SCHIP1: variants seen among roughly 807,000 people sequenced by gnomAD.
SCHIP1 encodes schwannomin interacting protein 1, also known as schwannomin-interacting protein 1.
SCHIP1 carries 8 observed loss-of-function variants against 29.7 expected under a neutral mutation model. The ratio of observed to expected loss-of-function variants is 0.27; its 90% CI spans 0.16 to 0.49. SCHIP1 has a LOEUF of 0.49. SCHIP1 is among the 20% of genes least tolerant of loss of function. The probability of loss-of-function intolerance (pLI) is 0.99; values close to 1 mark genes in which losing one functional copy is unlikely to be tolerated. For missense variants in SCHIP1, 193 were observed against 294.6 expected, an observed-to-expected ratio of 0.66 and a Z score of 2.52; for synonymous variants, 76 against 94.9, an observed-to-expected ratio of 0.80 and a Z score of 1.16.
At chr3:159,573,566 T>A in the SCHIP1 span, among the ~76,000 whole-genome samples, 1 of 152,208 alleles carries the variant, frequency 6.6e-6, no homozygotes, top group Non-Finnish European at 1.5e-5. Flanking sequence ...TCATCCTTGA[T>A]GAATCTGAAG....
At chr3:159,379,740 A>C in the SCHIP1 span, among the ~76,000 whole-genome samples, 2 of 152,082 alleles carry the variant, frequency 1.3e-5, no homozygotes, top group African/African-American at 4.8e-5. Flanking sequence ...TCTCAACCAC[A>C]TGACAAAAAG....
At chr3:159,685,817 C>G in the SCHIP1 span, among the ~76,000 whole-genome samples, 1 of 152,138 alleles carries the variant, frequency 6.6e-6, no homozygotes, top group Non-Finnish European at 1.5e-5. Flanking sequence ...GACCAATTCT[C>G]TCACTGAAAA....
At chr3:159,388,033 G>A in the SCHIP1 span, among the ~76,000 whole-genome samples, 152,329 of 152,330 alleles carry the variant, frequency 1, 76,164 homozygotes, top group Middle Eastern at 1. Flanking sequence ...GGTAATTTCC[G>A]CTAGGCTTGA....
the SCHIP1 span, among the ~76,000 whole-genome samples, chr3:159,588,841 T>G: frequency 6.6e-6 from 1 of 152,228 alleles, no homozygotes; most frequent in African/African-American, 2.4e-5. Context: ...TTGGTACCAG[T>G]ACCATGCTGT....
chr3:159,505,600 C>A, the SCHIP1 span, among the ~76,000 whole-genome samples: 1 of 152,180 alleles, frequency 6.6e-6, no homozygotes, highest in East Asian at 1.9e-4. Context: ...TTAGGTACAT[C>A]TCCTAATGCT....
chr3:159,865,863 A>G (rs187329207), intron 1 of SCHIP1, among the ~76,000 whole-genome samples: 53 of 152,358 alleles, frequency 3.5e-4, no homozygotes, highest in African/African-American at 1.2e-3. Context: ...TATACCTAGC[A>G]GGTAAGAAGA....
chr3:159,416,060 C>T, the SCHIP1 span, among the ~76,000 whole-genome samples: 30 of 152,266 alleles, frequency 2.0e-4, no homozygotes, highest in African/African-American at 5.5e-4. Flanking sequence ...TCCAGGATTT[C>T]GCATAATCTA....
the SCHIP1 span, among the ~76,000 whole-genome samples, chr3:159,297,363 A>T: frequency 6.6e-6 from 1 of 152,098 alleles, no homozygotes; most frequent in Non-Finnish European, 1.5e-5. Flanking sequence ...TAATTTTTCG[A>T]GGAACCTCCA....
chr3:159,603,899 G>C, the SCHIP1 span, among the ~76,000 whole-genome samples: 1 of 152,096 alleles, frequency 6.6e-6, no homozygotes, highest in Non-Finnish European at 1.5e-5. Context: ...ATGGTAAGGG[G>C]CTCACAAGGA....
the SCHIP1 span, among the ~76,000 whole-genome samples, chr3:159,612,614 G>A: frequency 2.0e-5 from 3 of 152,174 alleles, no homozygotes; most frequent in Non-Finnish European, 4.4e-5. Context: ...AGGTGTGGTG[G>A]CGGGCACCTG....
At chr3:159,669,055 G>A in the SCHIP1 span, among the ~76,000 whole-genome samples, 1 of 152,312 alleles carries the variant, frequency 6.6e-6, no homozygotes, top group South Asian at 2.1e-4. Flanking sequence ...AGGAAGGGCT[G>A]CATGGGGTGT....
the SCHIP1 span, among the ~76,000 whole-genome samples, chr3:159,441,126 A>AAAC: frequency 6.6e-6 from 1 of 152,104 alleles, no homozygotes; most frequent in Non-Finnish European, 1.5e-5. Flanking sequence ...AGAGGCCTTG[A>AAAC]AACAACACAT....
At chr3:159,750,847 C>A in the SCHIP1 span, among the ~76,000 whole-genome samples, 1 of 151,510 alleles carries the variant, frequency 6.6e-6, no homozygotes, top group South Asian at 2.1e-4. Context: ...CTCATAATAT[C>A]AAAAACCTAA....
chr3:159,422,966 T>C, the SCHIP1 span, among the ~76,000 whole-genome samples: 1 of 142,922 alleles, frequency 7.0e-6, no homozygotes, highest in East Asian at 2.2e-4. Flanking sequence ...TACATAAGAG[T>C]AGAATTTCAG....
chr3:159,288,220 A>G, the SCHIP1 span, among the ~76,000 whole-genome samples: 2 of 152,172 alleles, frequency 1.3e-5, no homozygotes, highest in South Asian at 4.1e-4. Context: ...AGACAACCAC[A>G]CTCTCAGCTA....
chr3:159,856,281 T>C (rs2109151872), intron 1 of SCHIP1, among the ~76,000 whole-genome samples: 1 of 152,230 alleles, frequency 6.6e-6, no homozygotes, highest in South Asian at 2.1e-4. Context: ...GACTGAGCTT[T>C]CCCTCCAGGA....
the SCHIP1 span, among the ~76,000 whole-genome samples, chr3:159,454,726 C>A: frequency 1.3e-5 from 2 of 152,140 alleles, no homozygotes; most frequent in Non-Finnish European, 2.9e-5. Flanking sequence ...TTCTTTCCCA[C>A]ATATGAAGTC....
the SCHIP1 span, among the ~76,000 whole-genome samples, chr3:159,766,612 G>C: frequency 6.6e-6 from 1 of 152,174 alleles, no homozygotes; most frequent in Non-Finnish European, 1.5e-5. Flanking sequence ...ATACATTCCA[G>C]GAAAATTTAG....
At chr3:159,343,566 G>C in the SCHIP1 span, among the ~76,000 whole-genome samples, 4 of 152,154 alleles carry the variant, frequency 2.6e-5, no homozygotes, top group Admixed American at 2.6e-4. Context: ...AATCACAAGA[G>C]GGCAAGCAGA....
Sources: gnomAD v4.1 joint callset for allele counts (sites outside exome capture counted in the v4.1 genomes callset) on GRCh38, gnomAD v4.1.1 for gene constraint, MANE v1.5 for transcripts, NCBI Gene and HGNC (gene_info 2026-07-23, HGNC 2026-07-21) for gene names.